SRBD1: variants seen among roughly 807,000 people sequenced by gnomAD.
SRBD1 encodes the protein S1 RNA binding domain 1, also known as S1 RNA-binding domain-containing protein 1.
A neutral mutation model predicts 115.3 loss-of-function variants in SRBD1; 88 were observed. The ratio of observed to expected loss-of-function variants is 0.76; its 90% CI spans 0.64 to 0.91. The LOEUF (loss-of-function observed/expected upper bound fraction) is 0.91. Among genes scored for constraint, SRBD1 ranks in the 40% least tolerant of loss-of-function variants. The probability of loss-of-function intolerance (pLI) is 0.00; values close to 1 mark genes in which losing one functional copy is unlikely to be tolerated. For synonymous variants in SRBD1, 509 were observed against 407.7 expected, an observed-to-expected ratio of 1.25 and a Z score of -2.99; for missense variants, 1,385 against 1,177.4, an observed-to-expected ratio of 1.18 and a Z score of -2.58.
At chr2:45,432,097 T>C (rs1456193861) in intron 16 of SRBD1, among the ~76,000 whole-genome samples, 1 of 152,176 alleles carries the variant, frequency 6.6e-6, no homozygotes. Flanking sequence ...CGGCACGATC[T>C]TGGCTCACAA....
At position 45,553,401 on chromosome 2, in the gene SRBD1, T is replaced by C. The variant is rs541325920; in HGVS notation, c.1517+222A>G. Among the ~76,000 whole-genome samples the C allele has an allele frequency of 5.9e-5, 9 of 152,308 alleles. 1 individual carries two copies. In the South Asian group the frequency reaches 1.9e-3, roughly 32 times the overall value. On this transcript the variant is annotated intron_variant, in intron 11 of 20. Coordinates refer to ENST00000263736, the MANE Select transcript of SRBD1 (RefSeq NM_018079.5). Reference sequence around the variant, plus strand: ...ATTTCAAGGGGTACACATTAAGTGGTCAAGATTTGAAAAACATATCATAAT... The same window carrying C: ...ATTTCAAGGGGTACACATTAAGTGGCCAAGATTTGAAAAACATATCATAAT...
chr2:45,482,485 GAA>G (rs1669994843), intron 15 of SRBD1, among the ~76,000 whole-genome samples: 1 of 151,958 alleles, frequency 6.6e-6, no homozygotes, highest in African/African-American at 2.4e-5. Context: ...AGATGCTGGT[GAA>G]AGGGTACATA....
At chr2:45,602,158 T>G (rs1435897173) in intron 2 of SRBD1, 75 bp from the exon 3 acceptor site, 1 of 1,502,004 alleles carries the variant, frequency 6.7e-7, no homozygotes, top group Non-Finnish European at 8.9e-7. Context: ...GATGCAAGAT[T>G]CTTGAAAAAA....
intron 10 of SRBD1, among the ~76,000 whole-genome samples, chr2:45,554,227 T>C (rs1327505483): frequency 1.3e-5 from 2 of 152,186 alleles, no homozygotes; most frequent in African/African-American, 4.8e-5. Flanking sequence ...CTCAACCATG[T>C]GAGGACACAG....
chr2:45,551,317 T>C, intron 11 of SRBD1, 35 bp from the exon 12 acceptor site: 1 of 1,570,136 alleles, frequency 6.4e-7, no homozygotes, highest in African/African-American at 1.4e-5. Context: ...AGTTTTTCAT[T>C]CACCCAAATT....
intron 9 of SRBD1, among the ~76,000 whole-genome samples, chr2:45,568,912 T>C (rs1672919548): frequency 6.6e-6 from 1 of 152,260 alleles, no homozygotes; most frequent in Non-Finnish European, 1.5e-5. Context: ...AAAATTTCAC[T>C]GTACTTTCTT....
intron 16 of SRBD1, among the ~76,000 whole-genome samples, chr2:45,428,546 C>T (rs1339942049): frequency 6.7e-6 from 1 of 148,698 alleles, no homozygotes; most frequent in African/African-American, 2.5e-5. Context: ...AACGAGACTC[C>T]GTCTCAAAAA....
intron 6 of SRBD1, among the ~76,000 whole-genome samples, chr2:45,580,423 G>A (rs1673316610): frequency 6.6e-6 from 1 of 151,272 alleles, no homozygotes; most frequent in Non-Finnish European, 1.5e-5. Flanking sequence ...TCGGCTCACT[G>A]CAAGCTCTGC....
chr2:45,582,652 G>T (rs1334246797), intron 5 of SRBD1, among the ~76,000 whole-genome samples: 2 of 151,946 alleles, frequency 1.3e-5, no homozygotes, highest in Non-Finnish European at 2.9e-5. Context: ...AATTTTTCCA[G>T]ATTTGGCCAA....
chr2:45,413,297 T>A lies in SRBD1; in HGVS notation c.2334-4A>T. On this transcript the variant is annotated splice_region_variant and splice_polypyrimidine_tract_variant and intron_variant, in intron 18 of 20. Coordinates refer to ENST00000263736, the MANE Select transcript of SRBD1 (RefSeq NM_018079.5). ...GCCTGAAGTTTCAGTTTGCTGACTATATAAAACCAGAAAAAACCACATTTA... is the reference window on the plus strand; with the variant it reads ...GCCTGAAGTTTCAGTTTGCTGACTAAATAAAACCAGAAAAAACCACATTTA... The A allele has an allele frequency of 6.2e-7, 1 of 1,600,154 alleles. No homozygotes were observed. Among genetic ancestry groups the A allele is most frequent in the Non-Finnish European group, 8.5e-7 (1 of 1,176,142 alleles).
Position 45,413,169 on chromosome 2 carries a change from G to C in SRBD1, c.2458C>G (p.Pro820Ala). ...SKTAVNVLLK[P>A]NPLDQTCIHP... The stretch of plus-strand genomic sequence containing the variant: ...ATACAAGTTTGGTCCAAAGGATTTG[G>C]CTTCAGTAAAACATTCACTGCAGTT... Residue 820 changes from proline to alanine, a missense_variant, in exon 19 of 21, where the codon CCA (proline) becomes GCA (alanine). Pro to Ala is a conservative substitution (Grantham distance 27). Transcript: ENST00000263736. The C allele has an allele frequency of 6.2e-7, 1 of 1,614,078 alleles. No individual in the cohort carries two copies. Among genetic ancestry groups the C allele is most frequent in the Non-Finnish European group, 8.5e-7 (1 of 1,179,974 alleles).
In SRBD1 at chr2:45,456,759, T is replaced by A. The variant is rs186807242; in HGVS notation, c.2049+20234A>T. ...AACTATCTATAACCCTGTGTCAACA[T>A]ATGATGCTACTGGGAATGCTAAGTG... On this transcript the variant is annotated intron_variant, in intron 16 of 20. Coordinates refer to ENST00000263736, the MANE Select transcript of SRBD1 (RefSeq NM_018079.5). Among the ~76,000 whole-genome samples, 314 of 151,998 alleles carry A rather than the reference T, an allele frequency of 2.1e-3. 2 individuals are homozygous for A. Among genetic ancestry groups the A allele is most frequent in the Non-Finnish European group, 2.4e-3 (161 of 67,850 alleles).
intron 19 of SRBD1, among the ~76,000 whole-genome samples, chr2:45,403,325 A>C (rs1329993404): frequency 3.2e-5 from 3 of 92,764 alleles, no homozygotes; most frequent in Non-Finnish European, 8.0e-5. Context: ...GCCAGTTTAG[A>C]TTATACAAAA....
chr2:45,556,474 T>TTC (rs1397462603), intron 10 of SRBD1, among the ~76,000 whole-genome samples: 1 of 132,418 alleles, frequency 7.6e-6, no homozygotes, highest in African/African-American at 2.8e-5. Flanking sequence ...TTTTTTTTTT[T>TTC]TGAGACAGAG....
intron 14 of SRBD1, among the ~76,000 whole-genome samples, chr2:45,519,062 T>C (rs1461130467): frequency 6.6e-6 from 1 of 151,942 alleles, no homozygotes; most frequent in African/African-American, 2.4e-5. Flanking sequence ...GACAAAAAGC[T>C]GTAACAAAAC....
intron 10 of SRBD1, among the ~76,000 whole-genome samples, chr2:45,558,573 G>A (rs1485138062): frequency 6.6e-6 from 1 of 151,292 alleles, no homozygotes; most frequent in Non-Finnish European, 1.5e-5. Context: ...ATTAACTTAT[G>A]TAATGACAAG....
At chr2:45,529,320 G>T (rs961609532) in intron 14 of SRBD1, among the ~76,000 whole-genome samples, 2 of 151,746 alleles carry the variant, frequency 1.3e-5, no homozygotes, top group African/African-American at 4.8e-5. Flanking sequence ...AAGGAAGATG[G>T]GGAAAAAGCA....
chr2:45,526,742 T>C (rs560188239), intron 14 of SRBD1, among the ~76,000 whole-genome samples: 5 of 151,950 alleles, frequency 3.3e-5, no homozygotes, highest in African/African-American at 1.2e-4. Flanking sequence ...AATGCACCAC[T>C]GAAAATGAAT....
intron 14 of SRBD1, among the ~76,000 whole-genome samples, chr2:45,503,867 C>T (rs912734315): frequency 1.3e-5 from 2 of 152,046 alleles, no homozygotes; most frequent in African/African-American, 2.4e-5. Flanking sequence ...TAACCTAAGA[C>T]ATATATTCTG....
Sources: allele counts gnomAD v4.1 joint callset (sites outside exome capture counted in the v4.1 genomes callset), GRCh38; gene constraint gnomAD v4.1.1; transcripts MANE v1.5; gene names NCBI Gene and HGNC (gene_info 2026-07-23, HGNC 2026-07-21).